P2RX5: variants seen among roughly 807,000 people sequenced by gnomAD.
P2RX5 encodes the protein P2X purinoceptor 5.
Under a neutral mutation model 54.1 loss-of-function variants are expected in P2RX5, and 46 were observed. The observed-to-expected ratio is 0.85, with a 90% confidence interval of 0.67 to 1.09. P2RX5 has a LOEUF of 1.09. Ranked by LOEUF, P2RX5 falls within the 50% of genes least tolerant of loss-of-function variation. The pLI is 0.00. For synonymous variants in P2RX5, 226 were observed against 226.4 expected (o/e 1.00, Z 0.02); for missense variants, 566 against 549.8 (o/e 1.03, Z -0.29).
chr17:3,717,239 G>A, the P2RX5 span: 23 of 161,050 alleles, frequency 1.4e-4, no homozygotes, highest in East Asian at 2.5e-3. Context: ...CCGTTCTGAC[G>A]GCTCTTTTTG....
chr17:3,681,584 G>C (rs565502060), intron 10 of P2RX5, among the ~76,000 whole-genome samples: 1 of 152,204 alleles, frequency 6.6e-6, no homozygotes, highest in Non-Finnish European at 1.5e-5. Flanking sequence ...GACACCACTC[G>C]ATTGGTAAAC....
the P2RX5 span, among the ~76,000 whole-genome samples, chr17:3,715,976 G>A: frequency 6.6e-6 from 1 of 152,054 alleles, no homozygotes; most frequent in African/African-American, 2.4e-5. Flanking sequence ...CCAATATGGT[G>A]AAACCCCGTC....
chr17:3,695,825 C>A, intron 1 of P2RX5, 44 bp downstream of exon 1: 1 of 1,587,418 alleles, frequency 6.3e-7, no homozygotes, highest in Non-Finnish European at 8.6e-7. Flanking sequence ...CTGGCACCCG[C>A]CCTGCCCCTC....
intron 10 of P2RX5, among the ~76,000 whole-genome samples, chr17:3,681,243 T>G (rs1258494501): frequency 1.3e-5 from 2 of 152,170 alleles, no homozygotes; most frequent in African/African-American, 2.4e-5. Flanking sequence ...CTGCACCCAC[T>G]GTCCCAGGCT....
chr17:3,678,309 C>G (rs1275252663), intron 11 of P2RX5, among the ~76,000 whole-genome samples: 2 of 152,270 alleles, frequency 1.3e-5, no homozygotes, highest in Admixed American at 6.5e-5. Context: ...CATAGATGCT[C>G]AGGCAGAAGC....
chr17:3,691,614 CT>C, intron 2 of P2RX5, 29 bp downstream of exon 2: 1 of 1,614,008 alleles, frequency 6.2e-7, no homozygotes, highest in East Asian at 2.2e-5. Context: ...CCCTGCCAGC[CT>C]TGGCCGTGTG....
intron 11 of P2RX5, among the ~76,000 whole-genome samples, chr17:3,674,938 T>C (rs1264414827): frequency 2.6e-5 from 4 of 152,252 alleles, no homozygotes; most frequent in African/African-American, 7.2e-5. Context: ...GGATCGTGTC[T>C]GTGTTGCTCA....
Position 3,679,589 on chromosome 17 carries a change from C to G in P2RX5, c.1259+1G>C, listed in dbSNP as rs747789722. ...GGCTCTCTGCCTAGCAGTGGCCTCACCTGTGGGGCTCCAGGAGCTGTGGGC... is the reference window on the plus strand; with the variant it reads ...GGCTCTCTGCCTAGCAGTGGCCTCAGCTGTGGGGCTCCAGGAGCTGTGGGC... On this transcript the variant is annotated splice_donor_variant, in intron 11 of 11. Transcript: ENST00000225328. LOFTEE classifies it high-confidence loss of function. 98 of 1,606,342 alleles carry G rather than the reference C, an allele frequency of 6.1e-5. No individual in the cohort carries two copies. In the East Asian group the frequency reaches 2.2e-3, roughly 36 times the overall value.
At chr17:3,683,989 A>G (rs2050360806) in intron 9 of P2RX5, among the ~76,000 whole-genome samples, 1 of 152,216 alleles carries the variant, frequency 6.6e-6, no homozygotes, top group South Asian at 2.1e-4. Context: ...GAATGAGGGA[A>G]GAGGCTGCCA....
In P2RX5 at chr17:3,689,968, A is replaced by ACG. The variant is rs1567737304; in HGVS notation, c.614+100_614+101dup. 4 of 1,000,702 alleles carry ACG rather than the reference A, an allele frequency of 4.0e-6. No homozygotes were observed. In the Admixed American group the frequency reaches 5.1e-5, roughly 13 times the overall value. The allele number at this position is 1,000,702 out of a possible 1,614,324, so 62.0% of individuals were successfully genotyped here. On this transcript the variant is annotated intron_variant, in intron 6 of 11. Coordinates refer to ENST00000225328, the MANE Select transcript of P2RX5 (RefSeq NM_002561.4). ...CGAACACACGCACACACGTGCACAC[A>ACG]CGCGCGCACACACACCCCCAGGCAG...
chr17:3,717,456 C>G, the P2RX5 span: 1 of 152,310 alleles, frequency 6.6e-6, no homozygotes, highest in East Asian at 1.9e-4. Flanking sequence ...CTCCCAATTT[C>G]GGGAGTCTAA....
At chr17:3,689,387 G>A (rs935060875) in intron 7 of P2RX5, 105 bp downstream of exon 7, 1 of 1,270,402 alleles carries the variant, frequency 7.9e-7, no homozygotes, top group African/African-American at 1.5e-5. Flanking sequence ...GACTTTGCAG[G>A]GCCACCCTCG....
At chr17:3,701,765 T>G in the P2RX5 span, among the ~76,000 whole-genome samples, 15 of 149,102 alleles carry the variant, frequency 1.0e-4, no homozygotes, top group South Asian at 2.1e-4. Context: ...TTTTTTGTTT[T>G]TTTTTTTTAA....
At chr17:3,712,343 G>A in the P2RX5 span, among the ~76,000 whole-genome samples, 1 of 152,208 alleles carries the variant, frequency 6.6e-6, no homozygotes, top group Non-Finnish European at 1.5e-5. Context: ...GCCTAGTGAT[G>A]TAACACTGGC....
At chr17:3,681,874 C>T in intron 10 of P2RX5, 22 bp downstream of exon 10, 1 of 1,577,740 alleles carries the variant, frequency 6.3e-7, no homozygotes, top group Non-Finnish European at 8.7e-7. Context: ...CCTCGGGCCG[C>T]CGGCCTGGAA....
the P2RX5 span, among the ~76,000 whole-genome samples, chr17:3,706,656 C>T: frequency 5.9e-5 from 9 of 152,216 alleles, no homozygotes; most frequent in South Asian, 4.2e-4. Context: ...CTTCGGGGGT[C>T]GGAGCAAGGA....
chr17:3,689,398 C>A (rs1365720479), intron 7 of P2RX5, 94 bp downstream of exon 7: 5 of 1,450,646 alleles, frequency 3.4e-6, no homozygotes, highest in Non-Finnish European at 4.8e-6. Flanking sequence ...GCCACCCTCG[C>A]CCCACGAGTC....
the P2RX5 span, among the ~76,000 whole-genome samples, chr17:3,703,351 AC>A: frequency 1.3e-5 from 2 of 152,076 alleles, no homozygotes; most frequent in African/African-American, 4.8e-5. Flanking sequence ...ACCTAAAAAA[AC>A]AAAACAAAAC....
chr17:3,689,175 T>C (rs940581324), intron 7 of P2RX5, among the ~76,000 whole-genome samples: 4 of 152,068 alleles, frequency 2.6e-5, no homozygotes, highest in African/African-American at 7.2e-5. Context: ...CAGCCAGTTC[T>C]GAAAACACTG....
Sources: allele counts gnomAD v4.1 joint callset (sites outside exome capture counted in the v4.1 genomes callset), GRCh38; gene constraint gnomAD v4.1.1; transcripts MANE v1.5; gene names NCBI Gene and HGNC (gene_info 2026-07-23, HGNC 2026-07-21).